The following RWDD4 variants were observed in gnomAD, a reference collection of about 807,000 sequenced individuals.
RWDD4 encodes the protein RWD domain-containing protein 4.
Under a neutral mutation model 30.0 loss-of-function variants are expected in RWDD4, and 16 were observed. That is an observed-to-expected ratio of 0.53 (90% CI 0.36 to 0.81). The LOEUF is 0.81. RWDD4 is among the 30% of genes least tolerant of loss of function. RWDD4 has a pLI of 0.00. For synonymous variants in RWDD4, 45 were observed against 72.1 expected, an observed-to-expected ratio of 0.62 and a Z score of 1.90; for missense variants, 170 against 223.9, an observed-to-expected ratio of 0.76 and a Z score of 1.54.
chr4:183,645,952 G>A (rs543413588), intron 7 of RWDD4, among the ~76,000 whole-genome samples: 10 of 152,050 alleles, frequency 6.6e-5, no homozygotes, highest in African/African-American at 2.4e-4. Context: ...GCCCAGGCTG[G>A]AGTGCAGTGG....
At chr4:183,646,443 A>C in intron 6 of RWDD4, 45 bp downstream of exon 6, 1 of 1,600,948 alleles carries the variant, frequency 6.2e-7, no homozygotes, top group Non-Finnish European at 8.5e-7. Flanking sequence ...ATTTGCTGGT[A>C]ATAATTGTAA....
rs1733826349 is a variant in RWDD4, at chr4:183,639,914, A to C, written c.*1522T>G. 5 of 152,128 alleles carry C rather than the reference A, an allele frequency of 3.3e-5. No individual in the cohort carries two copies. Among genetic ancestry groups the C allele is most frequent in the African/African-American group, 1.2e-4 (5 of 41,514 alleles). 9.4% of individuals were successfully genotyped at this position (152,128 alleles called of 1,614,324 possible). On this transcript the variant is annotated 3_prime_UTR_variant, in exon 8 of 8. Transcript: ENST00000326397. The stretch of plus-strand genomic sequence containing the variant: ...AGCCATAATAAGCCTGAACAATTTC[A>C]GTCTCTTCAGAGCAAAACAAAGTAT...
In RWDD4 at chr4:183,655,940, A is replaced by C. The variant is rs767584068; in HGVS notation, c.46T>G (p.Ser16Ala). ...AAACTTTCATCTCCTTCATAAATAGAGCGTAATGCTTCTAGTTCCATCTGA... is the reference window on the plus strand; with the variant it reads ...AAACTTTCATCTCCTTCATAAATAGCGCGTAATGCTTCTAGTTCCATCTGA... The part of the protein sequence containing the change: ...DQEMELEALR[S>A]IYEGDESFRE... The change falls in exon 2 of 8, where the codon TCT (serine) becomes GCT (alanine). Residue 16 changes from serine (S) to alanine (A), a missense_variant. By Grantham distance (99) the Ser-to-Ala change is moderately conservative. Coordinates refer to ENST00000326397, the MANE Select transcript of RWDD4 (RefSeq NM_152682.4). 6.2e-7 allele frequency: 1 copy of C among 1,610,868 alleles called. No individual in the cohort carries two copies. Among genetic ancestry groups the C allele is most frequent in the Non-Finnish European group, 8.5e-7 (1 of 1,177,532 alleles).
At chr4:183,658,502 G>A (rs542400071) in intron 1 of RWDD4, among the ~76,000 whole-genome samples, 1 of 152,314 alleles carries the variant, frequency 6.6e-6, no homozygotes, top group South Asian at 2.1e-4. Context: ...CACCACCAGT[G>A]TCATTTTCTT....
chr4:183,654,542 G>A (rs1189130511), intron 2 of RWDD4, among the ~76,000 whole-genome samples: 2 of 152,164 alleles, frequency 1.3e-5, no homozygotes, highest in African/African-American at 4.8e-5. Context: ...GGTCACGTCA[G>A]TGTCCATCTT....
At chr4:183,654,496 A>G (rs770833364) in intron 2 of RWDD4, among the ~76,000 whole-genome samples, 5 of 152,158 alleles carry the variant, frequency 3.3e-5, no homozygotes, top group Admixed American at 6.6e-5. Flanking sequence ...ACTGTCTCCT[A>G]ATCTCATGTA....
intron 2 of RWDD4, among the ~76,000 whole-genome samples, chr4:183,653,084 A>G (rs1734116979): frequency 6.6e-6 from 1 of 152,186 alleles, no homozygotes; most frequent in African/African-American, 2.4e-5. Context: ...TAATGTCCCC[A>G]GATCTGAACT....
At chr4:183,645,395 A>G (rs1733947811) in intron 7 of RWDD4, among the ~76,000 whole-genome samples, 1 of 152,170 alleles carries the variant, frequency 6.6e-6, no homozygotes, top group South Asian at 2.1e-4. Flanking sequence ...TCAAAATGAA[A>G]GCAAACAATT....
intron 7 of RWDD4, among the ~76,000 whole-genome samples, chr4:183,644,233 G>C (rs1733922287): frequency 6.6e-6 from 1 of 152,192 alleles, no homozygotes; most frequent in African/African-American, 2.4e-5. Context: ...GTATATGTAG[G>C]ACAACATGAA....
At chr4:183,653,214 T>C (rs759040315) in intron 2 of RWDD4, among the ~76,000 whole-genome samples, 2 of 152,192 alleles carry the variant, frequency 1.3e-5, no homozygotes, top group Admixed American at 6.5e-5. Context: ...CTAAGATTGA[T>C]CACATGGTTT....
intron 4 of RWDD4, among the ~76,000 whole-genome samples, 165 bp from the exon 5 acceptor site, chr4:183,649,733 G>A (rs1290731034): frequency 6.6e-6 from 1 of 151,968 alleles, no homozygotes; most frequent in Non-Finnish European, 1.5e-5. Flanking sequence ...ACACATTATT[G>A]GTTTTACTCT....
chr4:183,658,549 T>C (rs982227190), intron 1 of RWDD4, among the ~76,000 whole-genome samples: 3 of 152,188 alleles, frequency 2.0e-5, no homozygotes, highest in African/African-American at 7.2e-5. Context: ...AGCCCTCTAC[T>C]AGCCAAGAGA....
intron 7 of RWDD4, among the ~76,000 whole-genome samples, chr4:183,644,777 CAAAAAAAAAA>C (rs1040745096): frequency 5.7e-5 from 7 of 123,306 alleles, no homozygotes; most frequent in African/African-American, 2.2e-4. Flanking sequence ...GACTCGGCTT[CAAAAAAAAAA>C]AGAAAAGAAA....
chr4:183,648,463 AAAT>A lies in RWDD4; in HGVS notation c.481+985_481+987del, dbSNP rs781736194. Among the ~76,000 whole-genome samples, 5 of 151,018 alleles carry A rather than the reference AAAT, an allele frequency of 3.3e-5. No individual in the cohort carries two copies. In the East Asian group the frequency reaches 9.7e-4, roughly 29 times the overall value. ...TCAGGTTAAATAAAGAAAAGCAATC[AAAT>A]ATTATTGTTGATATGAGCTAGAGTT... is the stretch of plus-strand genomic sequence containing the variant. On this transcript the variant is annotated intron_variant, in intron 5 of 7. Transcript: ENST00000326397.
At chr4:183,657,875 C>A (rs2111257479) in intron 1 of RWDD4, among the ~76,000 whole-genome samples, 1 of 152,324 alleles carries the variant, frequency 6.6e-6, no homozygotes, top group Non-Finnish European at 1.5e-5. Context: ...GATTCCTGGG[C>A]CCACCACAGA....
At chr4:183,656,851 C>G (rs1734204647) in intron 1 of RWDD4, among the ~76,000 whole-genome samples, 1 of 152,136 alleles carries the variant, frequency 6.6e-6, no homozygotes, top group Non-Finnish European at 1.5e-5. Flanking sequence ...CACGGTGAAA[C>G]CCCATCTCTA....
intron 5 of RWDD4, 64 bp from the exon 6 acceptor site, chr4:183,646,601 A>G: frequency 7.1e-7 from 1 of 1,402,910 alleles, no homozygotes; most frequent in Non-Finnish European, 9.9e-7. Flanking sequence ...AATAATTAAG[A>G]TTTTATATAC....
intron 2 of RWDD4, among the ~76,000 whole-genome samples, chr4:183,651,679 T>C (rs1322970663): frequency 6.6e-6 from 1 of 152,126 alleles, no homozygotes; most frequent in Non-Finnish European, 1.5e-5. Context: ...AGAAAGAGAA[T>C]GGACAAAAAT....
chr4:183,641,264 T>G lies in RWDD4; in HGVS notation c.*172A>C, dbSNP rs1304618120. On this transcript the variant is annotated 3_prime_UTR_variant, in exon 8 of 8. Transcript: ENST00000326397. ...AGGCAAGTTTGTGAAAATAATTTAATACAACAAGATCTCTTCATGAACTTT... is the reference window on the plus strand; with the variant it reads ...AGGCAAGTTTGTGAAAATAATTTAAGACAACAAGATCTCTTCATGAACTTT... 1 of 629,540 alleles carries G rather than the reference T, an allele frequency of 1.6e-6. No individual in the cohort carries two copies. Among genetic ancestry groups the G allele is most frequent in the African/African-American group, 1.9e-5 (1 of 53,780 alleles). The allele number at this position is 629,540 out of a possible 1,614,324, so 39.0% of individuals were successfully genotyped here.
Sources: allele counts gnomAD v4.1 joint callset (sites outside exome capture counted in the v4.1 genomes callset), GRCh38; gene constraint gnomAD v4.1.1; transcripts MANE v1.5; gene names NCBI Gene and HGNC (gene_info 2026-07-23, HGNC 2026-07-21).